Variants in CACNA1H observed in about 807,000 individuals in gnomAD.
CACNA1H encodes the protein voltage-dependent T-type calcium channel subunit alpha-1H.
A neutral mutation model predicts 192.5 loss-of-function variants in CACNA1H; 149 were observed. The observed-to-expected ratio is 0.77, with a 90% CI of 0.68 to 0.89. The LOEUF (loss-of-function observed/expected upper bound fraction) is 0.89. Among genes scored for constraint, CACNA1H ranks in the 40% least tolerant of loss-of-function variants. CACNA1H has a pLI of 0.00. For missense variants in CACNA1H, 4,257 were observed against 3,423.5 expected, an observed-to-expected ratio of 1.24 and a Z score of -6.08; for synonymous variants, 2,202 against 1,475.2, an observed-to-expected ratio of 1.49 and a Z score of -11.29.
rs984286250 is a variant in CACNA1H at position 1,209,124 on chromosome 16, C to G, written c.3456C>G (p.Pro1152=). 1 of 1,554,528 alleles carries G rather than the reference C, an allele frequency of 6.4e-7. No homozygotes were observed. Among genetic ancestry groups the G allele is most frequent in the African/African-American group, 1.4e-5 (1 of 73,244 alleles). The change falls in exon 17 of 35, where the codon CCC becomes CCG. Residue 1152 remains proline (P), a synonymous_variant. Coordinates refer to ENST00000348261, the MANE Select transcript of CACNA1H (RefSeq NM_021098.3). The part of the protein sequence containing the change: ...RSSWSSLGRA[P]SLKRRGQCGE... ...GCTGGAGCAGCCTGGGCCGTGCCCC[C>G]AGCCTCAAGCGCCGCGGCCAGTGTG...
chr16:1,219,116 C>G lies in CACNA1H; in HGVS notation c.6034C>G (p.Leu2012Val), dbSNP rs4609848. 19 of 1,542,412 alleles carry G rather than the reference C, an allele frequency of 1.2e-5. No homozygotes were observed. Among genetic ancestry groups the G allele is most frequent in the Non-Finnish European group, 1.6e-5 (18 of 1,142,614 alleles). ...GTARSPSLSR[L>V]LCRQEAVHTD... ...AGCCCGCTCCCCCAGTCTCAGCCGGCTGCTCTGCAGACAGGTAGGAGAAGC... is the reference window on the plus strand; with the variant it reads ...AGCCCGCTCCCCCAGTCTCAGCCGGGTGCTCTGCAGACAGGTAGGAGAAGC... The change falls in exon 34 of 35, where the codon CTG becomes GTG. Residue 2012 changes from leucine to valine, a missense_variant. Physicochemically the swap from Leu to Val is conservative, Grantham distance 32. Transcript: ENST00000348261.
rs766100622 is a variant in CACNA1H, at chr16:1,209,381, A to G, written c.3713A>G (p.Asp1238Gly). The change falls in exon 17 of 35, where the codon GAT becomes GGT. Residue 1238 changes from aspartate to glycine, a missense_variant. By Grantham distance (94) the Asp-to-Gly change is moderately conservative (BLOSUM62 -1). Coordinates refer to ENST00000348261, the MANE Select transcript of CACNA1H (RefSeq NM_021098.3). ...CTGCGCATCGACAGCCACCGTGAGGATGCAGCCGAGCTTGACGACGACTCG... is the reference window on the plus strand; with the variant it reads ...CTGCGCATCGACAGCCACCGTGAGGGTGCAGCCGAGCTTGACGACGACTCG... ...FFLRIDSHRE[D>G]AAELDDDSED... The G allele has an allele frequency of 2.5e-6, 4 of 1,597,808 alleles. No individual in the cohort carries two copies. Among genetic ancestry groups the G allele is most frequent in the Non-Finnish European group, 2.5e-6 (3 of 1,179,508 alleles).
chr16:1,200,921 A>G, intron 8 of CACNA1H, 113 bp downstream of exon 8: 1 of 684,904 alleles, frequency 1.5e-6, no homozygotes, highest in Non-Finnish European at 2.5e-6. Context: ...AGCTGAAGGG[A>G]GCACACAGGG....
chr16:1,200,511 C>A lies in CACNA1H; in HGVS notation c.1059C>A (p.Asn353Lys). The A allele has an allele frequency of 6.2e-7, 1 of 1,612,324 alleles. No homozygotes were observed. Among genetic ancestry groups the A allele is most frequent in the Non-Finnish European group, 8.5e-7 (1 of 1,179,722 alleles). Residue 353 changes from asparagine to lysine, a missense_variant, in exon 7 of 35, where the codon AAC (asparagine) becomes AAA (lysine). Transcript: ENST00000348261. ...YYNVCRSGDS[N>K]PHNGAINFDN... ...ACGTGTGCCGCTCGGGTGACTCCAA[C>A]CCCCACAACGGTGCCATCAACTTCG...
intron 2 of CACNA1H, among the ~76,000 whole-genome samples, chr16:1,176,809 C>T (rs1049823979): frequency 2.6e-5 from 4 of 152,180 alleles, no homozygotes; most frequent in African/African-American, 9.7e-5. Context: ...CTGCCTCTGT[C>T]CTGCCTCCCC....
At chr16:1,155,458 G>C (rs1448253711) in intron 2 of CACNA1H, among the ~76,000 whole-genome samples, 1 of 152,230 alleles carries the variant, frequency 6.6e-6, no homozygotes, top group African/African-American at 2.4e-5. Flanking sequence ...CTGGGTGTGG[G>C]GTTAGTCCGG....
intron 5 of CACNA1H, among the ~76,000 whole-genome samples, chr16:1,196,505 C>G (rs893034257): frequency 6.6e-6 from 1 of 152,178 alleles, no homozygotes; most frequent in East Asian, 1.9e-4. Context: ...GGACACCTCG[C>G]TCTCCCCACC....
chr16:1,212,526 C>T lies in CACNA1H; in HGVS notation c.4775C>T (p.Pro1592Leu). ...GTCTTTCCAGGCACTTTCCCCAGCCCAGGTACCGGCCCTGTCCCGCATGCC... is the reference window on the plus strand; with the variant it reads ...GTCTTTCCAGGCACTTTCCCCAGCCTAGGTACCGGCCCTGTCCCGCATGCC... ...ERRRRSTFPS[P>L]EAQRRPYYAD... The change falls in exon 26 of 35, where the codon CCA (proline) becomes CTA (leucine). Residue 1592 changes from proline (P) to leucine (L), a missense_variant and splice_region_variant. Coordinates refer to ENST00000348261, the MANE Select transcript of CACNA1H (RefSeq NM_021098.3). 1 of 1,611,048 alleles carries T rather than the reference C, an allele frequency of 6.2e-7. No individual in the cohort carries two copies. Among genetic ancestry groups the T allele is most frequent in the South Asian group, 1.1e-5 (1 of 90,734 alleles).
intron 16 of CACNA1H, among the ~76,000 whole-genome samples, 188 bp downstream of exon 16, chr16:1,208,409 C>T (rs528960668): frequency 2.6e-5 from 4 of 152,234 alleles, no homozygotes; most frequent in East Asian, 1.9e-4. Flanking sequence ...TGTGTGAGGC[C>T]GGTGTGAAGG....
At chr16:1,199,874 G>C (rs112825270) in intron 6 of CACNA1H, among the ~76,000 whole-genome samples, 4 of 152,108 alleles carry the variant, frequency 2.6e-5, no homozygotes, top group African/African-American at 7.2e-5. Flanking sequence ...CCGCTTCCAG[G>C]AGTTGCTGAG....
chr16:1,173,916 C>A (rs1405828997), intron 2 of CACNA1H, among the ~76,000 whole-genome samples: 1 of 152,192 alleles, frequency 6.6e-6, no homozygotes, highest in African/African-American at 2.4e-5. Context: ...ACAGTGGGGC[C>A]TCACACCACA....
chr16:1,211,297 G>C lies in CACNA1H; in HGVS notation c.4350+3G>C. On this transcript the variant is annotated splice_donor_region_variant and intron_variant, in intron 22 of 34. Transcript: ENST00000348261. ...TTTTTGGCATTTTGGGTGTGCAGGT[G>C]TGTGGCCCCCACGTGCCCGGGGGTC... 1 of 1,612,908 alleles carries C rather than the reference G, an allele frequency of 6.2e-7. No individual in the cohort carries two copies. Among genetic ancestry groups the C allele is most frequent in the Non-Finnish European group, 8.5e-7 (1 of 1,179,692 alleles).
Position 1,195,879 on chromosome 16 carries a change from C to T in CACNA1H, c.546-47C>T, listed in dbSNP as rs202153414. ...CTTTGCACCCCAGCCCCACCCTGGACCACCTGGGCTCCTTGTTGAGCTGCT... is the reference window on the plus strand; with the variant it reads ...CTTTGCACCCCAGCCCCACCCTGGATCACCTGGGCTCCTTGTTGAGCTGCT... On this transcript the variant is annotated intron_variant, in intron 4 of 34. Transcript: ENST00000348261. 6.9e-4 allele frequency: 1,012 copies of T among 1,458,256 alleles called. 2 individuals are homozygous for T. Among genetic ancestry groups the T allele is most frequent in the Non-Finnish European group, 7.3e-4 (762 of 1,038,758 alleles). 90.3% of individuals were successfully genotyped at this position (1,458,256 alleles called of 1,614,324 possible). A position where few individuals can be genotyped will look rare whatever the true frequency, so the allele number is the denominator to read the frequency against.
At chr16:1,205,455 C>G (rs1287618469) in intron 11 of CACNA1H, among the ~76,000 whole-genome samples, 190 bp downstream of exon 11, 1 of 152,224 alleles carries the variant, frequency 6.6e-6, no homozygotes, top group Non-Finnish European at 1.5e-5. Context: ...GTCCCCTCCC[C>G]AGACGCTATG....
intron 1 of CACNA1H, 98 bp from the exon 2 acceptor site, chr16:1,153,605 TAATAAGAAAAGACAAAG>T: frequency 1.7e-6 from 1 of 575,944 alleles, no homozygotes; most frequent in South Asian, 8.8e-5. Context: ...CGTTTGTCTC[TAATAAGAAAAGACAAAG>T]ACATCCCGGC....
At chr16:1,191,549 CGGGGTCTCTG>C (rs1966619537) in intron 2 of CACNA1H, among the ~76,000 whole-genome samples, 1 of 24,534 alleles carries the variant, frequency 4.1e-5, no homozygotes, top group African/African-American at 2.9e-4. Flanking sequence ...CAGGCACACT[CGGGGTCTCTG>C]ACCCAGCAGG....
intron 2 of CACNA1H, among the ~76,000 whole-genome samples, chr16:1,184,638 G>A (rs139058360): frequency 8.5e-5 from 13 of 152,364 alleles, no homozygotes; most frequent in African/African-American, 2.4e-4. Flanking sequence ...GAGTTGTCAC[G>A]TGGCCGGGTG....
At chr16:1,205,548 T>C (rs1968592059) in intron 11 of CACNA1H, among the ~76,000 whole-genome samples, 1 of 152,228 alleles carries the variant, frequency 6.6e-6, no homozygotes, top group Non-Finnish European at 1.5e-5. Flanking sequence ...AGCTGTTTCC[T>C]GCAGGAACAA....
chr16:1,201,922 A>G lies in CACNA1H; in HGVS notation c.1472A>G (p.Asp491Gly). The G allele has an allele frequency of 2.6e-6, 4 of 1,549,954 alleles. No individual in the cohort carries two copies. Among genetic ancestry groups the G allele is most frequent in the Non-Finnish European group, 3.5e-6 (4 of 1,146,862 alleles). The change falls in exon 9 of 35, where the codon GAC becomes GGC. Residue 491 changes from aspartate (D) to glycine (G), a missense_variant. Asp to Gly is a moderately conservative substitution (Grantham distance 94, BLOSUM62 -1). Transcript: ENST00000348261. ...RWQSRWRKKV[D>G]PSAVQGQGPG... ...CAGAGCCGCTGGCGCAAGAAGGTGG[A>G]CCCCAGTGCTGTGCAAGGCCAGGGT... is the stretch of plus-strand genomic sequence containing the variant.
Sources: gnomAD v4.1 joint callset for allele counts (sites outside exome capture counted in the v4.1 genomes callset) on GRCh38, gnomAD v4.1.1 for gene constraint, MANE v1.5 for transcripts, NCBI Gene and HGNC (gene_info 2026-07-23, HGNC 2026-07-21) for gene names.